Variants in MNAT1 observed in about 807,000 individuals in gnomAD.
MNAT1 encodes MNAT1 component of CDK activating kinase.
MNAT1 carries 43 observed loss-of-function variants against 42.0 expected under a neutral mutation model. That is an observed-to-expected ratio of 1.02 (90% CI 0.80 to 1.32). The LOEUF (loss-of-function observed/expected upper bound fraction) is 1.32. Among genes scored for constraint, MNAT1 ranks in the 40% most tolerant of loss-of-function variants. MNAT1 has a pLI of 0.00. For synonymous variants in MNAT1, 118 were observed against 120.0 expected, an observed-to-expected ratio of 0.98 and a Z score of 0.11; for missense variants, 306 against 350.4, an observed-to-expected ratio of 0.87 and a Z score of 1.01.
chr14:60,788,247 C>T (rs915595689), intron 1 of MNAT1, among the ~76,000 whole-genome samples: 1 of 152,068 alleles, frequency 6.6e-6, no homozygotes, highest in African/African-American at 2.4e-5. Context: ...TGTCAATGGG[C>T]AGTAACATTT....
intron 6 of MNAT1, among the ~76,000 whole-genome samples, chr14:60,834,611 G>A (rs939766279): frequency 2.0e-5 from 3 of 152,192 alleles, no homozygotes; most frequent in African/African-American, 7.2e-5. Flanking sequence ...GTGCTATGTG[G>A]CACTGAGAAG....
At chr14:60,806,173 AAAT>A (rs1469954856) in intron 3 of MNAT1, among the ~76,000 whole-genome samples, 7 of 152,194 alleles carry the variant, frequency 4.6e-5, no homozygotes, top group Admixed American at 4.6e-4. Flanking sequence ...TGCACATTGA[AAAT>A]AATTATACAG....
chr14:60,825,806 T>C (rs182102332), intron 6 of MNAT1, among the ~76,000 whole-genome samples: 133 of 152,300 alleles, frequency 8.7e-4, no homozygotes, highest in African/African-American at 2.7e-3. Context: ...GTGGGCTGAT[T>C]GTATGACCTA....
At chr14:60,772,021 C>A (rs2031078671) in intron 1 of MNAT1, among the ~76,000 whole-genome samples, 1 of 152,152 alleles carries the variant, frequency 6.6e-6, no homozygotes, top group Admixed American at 6.5e-5. Flanking sequence ...TGGAAGGTTT[C>A]ATTTTCCCTT....
intron 7 of MNAT1, among the ~76,000 whole-genome samples, chr14:60,880,619 C>G (rs1295312972): frequency 6.6e-6 from 1 of 151,654 alleles, no homozygotes; most frequent in African/African-American, 2.4e-5. Context: ...AGTCAGAGAC[C>G]CCAAGAACAA....
At chr14:60,766,585 G>T (rs1309664731) in intron 1 of MNAT1, among the ~76,000 whole-genome samples, 1 of 151,490 alleles carries the variant, frequency 6.6e-6, no homozygotes, top group Non-Finnish European at 1.5e-5. Context: ...GGTGGCGCAT[G>T]CCTGTAATCC....
intron 4 of MNAT1, among the ~76,000 whole-genome samples, chr14:60,809,601 T>C (rs1190724416): frequency 6.6e-6 from 1 of 152,144 alleles, no homozygotes; most frequent in African/African-American, 2.4e-5. Flanking sequence ...TCAAAGCCTT[T>C]TCCTGCATGT....
intron 1 of MNAT1, among the ~76,000 whole-genome samples, chr14:60,745,198 C>G (rs1896578984): frequency 6.6e-6 from 1 of 152,186 alleles, no homozygotes; most frequent in Admixed American, 6.5e-5. Context: ...TAGGGCTCAC[C>G]TTGTGAGTTT....
chr14:60,893,831 CT>C (rs1391046860), intron 7 of MNAT1, among the ~76,000 whole-genome samples: 2 of 152,096 alleles, frequency 1.3e-5, no homozygotes, highest in Non-Finnish European at 2.9e-5. Flanking sequence ...ATTGCCCTTG[CT>C]TTTTACTTAG....
intron 7 of MNAT1, among the ~76,000 whole-genome samples, chr14:60,887,167 G>A (rs1026727041): frequency 6.6e-6 from 1 of 151,088 alleles, no homozygotes; most frequent in East Asian, 2.0e-4. Flanking sequence ...ACATTGATTT[G>A]CATTTTTTTT....
intron 7 of MNAT1, among the ~76,000 whole-genome samples, chr14:60,957,548 C>T (rs1392838219): frequency 6.6e-6 from 1 of 152,198 alleles, no homozygotes; most frequent in East Asian, 1.9e-4. Flanking sequence ...TACTAGGTCC[C>T]TCCCATGACA....
intron 1 of MNAT1, among the ~76,000 whole-genome samples, chr14:60,765,754 T>C (rs1247751045): frequency 1.3e-5 from 2 of 152,176 alleles, no homozygotes; most frequent in African/African-American, 4.8e-5. Context: ...AAAAATCTTA[T>C]ACCTCTAGGC....
At chr14:60,892,373 T>G (rs1394928042) in intron 7 of MNAT1, among the ~76,000 whole-genome samples, 2 of 152,172 alleles carry the variant, frequency 1.3e-5, no homozygotes, top group Non-Finnish European at 2.9e-5. Context: ...CACTTAAAGT[T>G]GAAAATCTGT....
chr14:60,847,631 TTCTTC>T (rs1421812526), intron 6 of MNAT1, among the ~76,000 whole-genome samples: 4 of 152,176 alleles, frequency 2.6e-5, no homozygotes, highest in Non-Finnish European at 4.4e-5. Context: ...GTGCTTTTTG[TTCTTC>T]TCTTCCTCAT....
intron 1 of MNAT1, chr14:60,753,700 A>G (rs1158803010): frequency 2.0e-5 from 3 of 152,190 alleles, no homozygotes; most frequent in Non-Finnish European, 4.4e-5. Flanking sequence ...TCCCCTTTTG[A>G]TGAAAGAAGT....
chr14:60,935,398 G>A (rs1370717630), intron 7 of MNAT1, among the ~76,000 whole-genome samples: 1 of 140,524 alleles, frequency 7.1e-6, no homozygotes, highest in African/African-American at 2.6e-5. Flanking sequence ...TATATAAAGT[G>A]CAAGAATGTA....
intron 1 of MNAT1, among the ~76,000 whole-genome samples, chr14:60,738,358 T>G (rs947553218): frequency 3.4e-5 from 5 of 146,540 alleles, no homozygotes; most frequent in Non-Finnish European, 3.0e-5. Flanking sequence ...CAGGTTCAAG[T>G]GATTCTCCTG....
intron 7 of MNAT1, among the ~76,000 whole-genome samples, chr14:60,890,953 A>T (rs1300572992): frequency 6.6e-6 from 1 of 152,162 alleles, no homozygotes; most frequent in Non-Finnish European, 1.5e-5. Flanking sequence ...ATTAACCATC[A>T]CACAGAGTAT....
intron 6 of MNAT1, among the ~76,000 whole-genome samples, chr14:60,819,281 G>C (rs928304469): frequency 6.6e-6 from 1 of 151,540 alleles, no homozygotes; most frequent in African/African-American, 2.4e-5. Flanking sequence ...AGATTAATTT[G>C]GGTTTCAAAA....
Sources: gnomAD v4.1 joint callset for allele counts (sites outside exome capture counted in the v4.1 genomes callset) on GRCh38, gnomAD v4.1.1 for gene constraint, MANE v1.5 for transcripts, NCBI Gene and HGNC (gene_info 2026-07-23, HGNC 2026-07-21) for gene names.